The following MEIS1 variants were observed in gnomAD, a reference collection of about 807,000 sequenced individuals.
MEIS1 encodes the protein homeobox protein Meis1.
MEIS1 carries 5 observed loss-of-function variants against 50.8 expected under a neutral mutation model. The observed-to-expected ratio is 0.10, with a 90% CI of 0.05 to 0.21. MEIS1 has a LOEUF of 0.21. MEIS1 is among the 10% of genes least tolerant of loss of function. MEIS1 has a pLI of 1.00. For synonymous variants in MEIS1, 176 were observed against 179.3 expected (o/e 0.98, Z 0.15); for missense variants, 318 against 517.3 (o/e 0.61, Z 3.74).
chr2:66,506,345 T>C (rs1673684368), intron 7 of MEIS1, among the ~76,000 whole-genome samples: 1 of 152,056 alleles, frequency 6.6e-6, no homozygotes, highest in South Asian at 2.1e-4. Flanking sequence ...TGTCATGTTG[T>C]TGGGGGAAGC....
At position 66,458,151 on chromosome 2, in the gene MEIS1, GA is replaced by G. The variant is rs148053526; in HGVS notation, c.631-5949del. 3.4e-3 allele frequency among the ~76,000 whole-genome samples: 511 copies of G among 150,760 alleles called. 2 individuals carry two copies. The highest frequency in any genetic ancestry group is 5.3e-3 in the Non-Finnish European group (356 of 67,622). ...GGACCAGTAGTGTAGAAGTTTTGAA[GA>G]AAAAAAAACTCTATTTTTGGTTCGA... On this transcript the variant is annotated intron_variant, in intron 6 of 12. Transcript: ENST00000272369.
chr2:66,560,011 G>T (rs542599077), intron 9 of MEIS1, among the ~76,000 whole-genome samples: 1 of 150,858 alleles, frequency 6.6e-6, no homozygotes, highest in South Asian at 2.1e-4. Flanking sequence ...TGCCCATGGT[G>T]ATCTTATACT....
chr2:66,443,074 CCTGGG>C (rs1558520412), intron 6 of MEIS1, 26 bp downstream of exon 6: 1 of 1,557,854 alleles, frequency 6.4e-7, no homozygotes, highest in Admixed American at 2.2e-5. Flanking sequence ...TTTCAACATC[CCTGGG>C]AAAAAAAAAA....
At chr2:66,439,742 GT>G (rs1278126782) in intron 2 of MEIS1, 100 bp from the exon 3 acceptor site, 1 of 1,597,716 alleles carries the variant, frequency 6.3e-7, no homozygotes, top group East Asian at 2.2e-5. Flanking sequence ...CGGAGAGGGG[GT>G]CTGTTCCTCT....
chr2:66,544,942 G>T (rs1181407250), intron 8 of MEIS1, among the ~76,000 whole-genome samples: 1 of 152,126 alleles, frequency 6.6e-6, no homozygotes, highest in African/African-American at 2.4e-5. Context: ...GATTCAAAGA[G>T]AATTTTTGTG....
Position 66,471,906 on chromosome 2 carries a change from A to G in MEIS1, c.742+7686A>G, listed in dbSNP as rs185192955. Among the ~76,000 whole-genome samples the G allele has an allele frequency of 6.7e-4, 102 of 152,356 alleles. 1 individual carries two copies. Among genetic ancestry groups the G allele is most frequent in the Admixed American group, 6.6e-3 (101 of 15,302 alleles). On this transcript the variant is annotated intron_variant, in intron 7 of 12. Coordinates refer to ENST00000272369, the MANE Select transcript of MEIS1 (RefSeq NM_002398.3). The stretch of plus-strand genomic sequence containing the variant: ...AAAAATACATCACATATAGAGAAAT[A>G]TGTTCCACATCATATTAATACCATG...
chr2:66,469,136 C>G (rs573389854), intron 7 of MEIS1, among the ~76,000 whole-genome samples: 4 of 152,000 alleles, frequency 2.6e-5, no homozygotes, highest in African/African-American at 9.6e-5. Context: ...TCTCTAAAAC[C>G]CACTTATGAA....
chr2:66,452,285 C>A (rs1167297033), intron 6 of MEIS1, among the ~76,000 whole-genome samples: 2 of 151,858 alleles, frequency 1.3e-5, no homozygotes, highest in Non-Finnish European at 2.9e-5. Context: ...GGAGTAACCA[C>A]CCTGCCCTTC....
intron 7 of MEIS1, chr2:66,508,884 T>C (rs1427430237): frequency 2.5e-6 from 1 of 401,862 alleles, no homozygotes; most frequent in Admixed American, 3.2e-5. Flanking sequence ...GCATCATTTT[T>C]ATGATTATTT....
chr2:66,543,027 G>C (rs1403028331), intron 8 of MEIS1, among the ~76,000 whole-genome samples: 2 of 152,086 alleles, frequency 1.3e-5, no homozygotes, highest in Non-Finnish European at 2.9e-5. Context: ...TTGTAAACTT[G>C]TAAATACCAG....
At chr2:66,477,262 T>G (rs1672915931) in intron 7 of MEIS1, among the ~76,000 whole-genome samples, 4 of 152,024 alleles carry the variant, frequency 2.6e-5, no homozygotes, top group Admixed American at 2.6e-4. Context: ...AGAGAGTAGC[T>G]TTGAGGAGGA....
At chr2:66,530,022 A>C (rs898823296) in intron 8 of MEIS1, among the ~76,000 whole-genome samples, 7 of 152,182 alleles carry the variant, frequency 4.6e-5, no homozygotes, top group Non-Finnish European at 1.5e-5. Flanking sequence ...AGAACATAGC[A>C]ATAAGGAAGA....
chr2:66,533,419 C>G (rs1318344310), intron 8 of MEIS1, among the ~76,000 whole-genome samples: 2 of 152,144 alleles, frequency 1.3e-5, no homozygotes, highest in Non-Finnish European at 2.9e-5. Flanking sequence ...TGTGTGACCC[C>G]TTGAAGGCCA....
In MEIS1 at chr2:66,565,156, T is replaced by C. The variant is rs72824827; in HGVS notation, c.966-2297T>C. Among the ~76,000 whole-genome samples, 1,510 of 152,204 alleles carry C rather than the reference T, an allele frequency of 9.9e-3. 8 individuals carry two copies. The highest frequency in any genetic ancestry group is 0.031 in the Middle Eastern group (9 of 294). ...TGAGGTGTAATTTTTAAAAATGAAC[T>C]CACGACTTTAATAGTCATAGACTCA... is the stretch of plus-strand genomic sequence containing the variant. On this transcript the variant is annotated intron_variant, in intron 9 of 12. Coordinates refer to ENST00000272369, the MANE Select transcript of MEIS1 (RefSeq NM_002398.3).
At chr2:66,556,548 A>G (rs6711787) in intron 9 of MEIS1, among the ~76,000 whole-genome samples, 101,407 of 150,554 alleles carry the variant, frequency 0.67, 34,506 homozygotes, top group East Asian at 0.76. Flanking sequence ...AATGCACCAT[A>G]TAATTATACA....
chr2:66,440,252 A>T, intron 3 of MEIS1: 1 of 588,786 alleles, frequency 1.7e-6, no homozygotes, highest in South Asian at 2.1e-5. Context: ...TGGAGAGCTC[A>T]CTCTGCAGAA....
chr2:66,503,241 T>C (rs909706521), intron 7 of MEIS1, among the ~76,000 whole-genome samples: 2 of 152,186 alleles, frequency 1.3e-5, no homozygotes, highest in African/African-American at 4.8e-5. Context: ...TAATAGGTCA[T>C]GACTCTCAGA....
intron 8 of MEIS1, among the ~76,000 whole-genome samples, chr2:66,524,063 T>C (rs780512261): frequency 3.3e-5 from 5 of 152,186 alleles, no homozygotes; most frequent in Non-Finnish European, 7.3e-5. Context: ...ATGATCGAAA[T>C]AAAATGAGGT....
At chr2:66,439,122 C>A in intron 2 of MEIS1, 1 of 165,980 alleles carries the variant, frequency 6.0e-6, no homozygotes, top group Non-Finnish European at 1.2e-5. Context: ...AGACAAGCGA[C>A]ATCTAGGCCC....
Sources: allele counts gnomAD v4.1 joint callset (sites outside exome capture counted in the v4.1 genomes callset), GRCh38; gene constraint gnomAD v4.1.1; transcripts MANE v1.5; gene names NCBI Gene and HGNC (gene_info 2026-07-23, HGNC 2026-07-21).